HERPUD2: variants seen among roughly 807,000 people sequenced by gnomAD.
HERPUD2 encodes the protein HERPUD family member 2.
A neutral mutation model predicts 49.9 loss-of-function variants in HERPUD2; 13 were observed. That is an observed-to-expected ratio of 0.26 (90% CI 0.17 to 0.41). The LOEUF (loss-of-function observed/expected upper bound fraction) is 0.41. Ranked by LOEUF, HERPUD2 falls within the 10% of genes least tolerant of loss-of-function variation. The pLI is 1.00. For synonymous variants in HERPUD2, 172 were observed against 171.4 expected (o/e 1.00, Z -0.03); for missense variants, 449 against 492.2 (o/e 0.91, Z 0.83).
intron 2 of HERPUD2, among the ~76,000 whole-genome samples, chr7:35,676,027 C>T (rs1785752069): frequency 6.6e-6 from 1 of 152,204 alleles, no homozygotes. Flanking sequence ...AATGTTACCA[C>T]ATTCAACAAA....
At position 35,637,160 on chromosome 7, in the gene HERPUD2, A is replaced by T. The variant is rs199697529; in HGVS notation, c.617+1190T>A. ...AAAAAAAGAAAGAAAGAAAGAAAGAAAGATAGATAGATAGATAGATAGATA... is the reference window on the plus strand; with the variant it reads ...AAAAAAAGAAAGAAAGAAAGAAAGATAGATAGATAGATAGATAGATAGATA... On this transcript the variant is annotated intron_variant, in intron 6 of 8. Transcript: ENST00000311350. 2.7e-3 allele frequency among the ~76,000 whole-genome samples: 391 copies of T among 144,174 alleles called. 2 individuals carry two copies. Among genetic ancestry groups the T allele is most frequent in the East Asian group, 7.2e-3 (35 of 4,872 alleles). The allele number at this position is 144,174 out of a possible 152,430, so 94.6% of individuals were successfully genotyped here. A position where few individuals can be genotyped will look rare whatever the true frequency, so the allele number is the denominator to read the frequency against.
At position 35,673,190 on chromosome 7, in the gene HERPUD2, G is replaced by A. The variant is rs1463503439; in HGVS notation, c.225+11C>T. The A allele has an allele frequency of 6.2e-7, 1 of 1,604,624 alleles. No individual in the cohort carries two copies. The highest frequency in any genetic ancestry group is 1.3e-5 in the African/African-American group (1 of 74,670). ...ATGTATCTGGTATCAAATAGTGGTA[G>A]AAAAGCTTACTTTTCTGAGAATGTC... is the stretch of plus-strand genomic sequence containing the variant. On this transcript the variant is annotated intron_variant, in intron 3 of 8. Transcript: ENST00000311350.
At chr7:35,672,095 G>A (rs1004458571) in intron 3 of HERPUD2, among the ~76,000 whole-genome samples, 2 of 151,938 alleles carry the variant, frequency 1.3e-5, no homozygotes, top group East Asian at 1.9e-4. Context: ...TACTGACTTT[G>A]GGTGATAATG....
chr7:35,663,433 C>T (rs954114220), intron 5 of HERPUD2, among the ~76,000 whole-genome samples: 4 of 152,140 alleles, frequency 2.6e-5, no homozygotes, highest in African/African-American at 9.7e-5. Context: ...TGGTGCAGAG[C>T]TGAGTTCAAT....
chr7:35,693,544 T>C (rs551338300), intron 2 of HERPUD2, among the ~76,000 whole-genome samples: 11 of 152,272 alleles, frequency 7.2e-5, no homozygotes, highest in African/African-American at 2.6e-4. Context: ...ATACGGGTTG[T>C]AGTGCTTTAT....
intron 2 of HERPUD2, among the ~76,000 whole-genome samples, chr7:35,692,253 G>A (rs1407522093): frequency 6.6e-6 from 1 of 152,178 alleles, no homozygotes; most frequent in Admixed American, 6.5e-5. Flanking sequence ...CCTGCCAAAA[G>A]CAGGCCTCTT....
At chr7:35,684,521 GAT>G (rs71553025) in intron 2 of HERPUD2, among the ~76,000 whole-genome samples, 58,537 of 150,338 alleles carry the variant, frequency 0.39, 11,763 homozygotes, top group South Asian at 0.56. Flanking sequence ...GTGAGAGACA[GAT>G]ATATATATAT....
chr7:35,659,058 G>A (rs1420040239), intron 5 of HERPUD2, among the ~76,000 whole-genome samples: 1 of 152,176 alleles, frequency 6.6e-6, no homozygotes, highest in Admixed American at 6.5e-5. Flanking sequence ...AACCTACATG[G>A]TGGTAAACAA....
intron 5 of HERPUD2, among the ~76,000 whole-genome samples, chr7:35,649,037 G>A (rs1785108892): frequency 6.6e-6 from 1 of 152,138 alleles, no homozygotes; most frequent in Admixed American, 6.5e-5. Flanking sequence ...AGATCACAAG[G>A]TCAGGAGATC....
At chr7:35,673,509 T>G (rs1785687839) in intron 2 of HERPUD2, among the ~76,000 whole-genome samples, 1 of 152,210 alleles carries the variant, frequency 6.6e-6, no homozygotes, top group East Asian at 1.9e-4. Flanking sequence ...TACAGATAAT[T>G]AATACATTTA....
intron 1 of HERPUD2, 71 bp from the exon 2 acceptor site, chr7:35,694,698 G>A (rs1786278765): frequency 4.2e-6 from 1 of 240,888 alleles, no homozygotes; most frequent in South Asian, 6.0e-5. Context: ...GCCCCACCGC[G>A]ACCCCCAAGC....
intron 2 of HERPUD2, among the ~76,000 whole-genome samples, chr7:35,685,950 G>A (rs1303870664): frequency 7.1e-6 from 1 of 141,138 alleles, no homozygotes; most frequent in Admixed American, 7.1e-5. Context: ...AACAGAGCGA[G>A]ACCCTGTCTC....
Position 35,673,195 on chromosome 7 carries a change from G to C in HERPUD2, c.225+6C>G. ...TCTGGTATCAAATAGTGGTAGAAAAGCTTACTTTTCTGAGAATGTCTTTCA... is the reference window on the plus strand; with the variant it reads ...TCTGGTATCAAATAGTGGTAGAAAACCTTACTTTTCTGAGAATGTCTTTCA... On this transcript the variant is annotated splice_donor_region_variant and intron_variant, in intron 3 of 8. Transcript: ENST00000311350. 2 of 1,607,314 alleles carry C rather than the reference G, an allele frequency of 1.2e-6. No individual in the cohort carries two copies. The highest frequency in any genetic ancestry group is 1.7e-4 in the Middle Eastern group (1 of 6,044).
At chr7:35,663,613 T>C (rs13237177) in intron 5 of HERPUD2, among the ~76,000 whole-genome samples, 25,747 of 152,194 alleles carry the variant, frequency 0.17, 2,703 homozygotes, top group Middle Eastern at 0.23. Context: ...ATATTTAAGA[T>C]AGTTAGCTCC....
chr7:35,675,005 G>A (rs147762623), intron 2 of HERPUD2, among the ~76,000 whole-genome samples: 65 of 152,320 alleles, frequency 4.3e-4, no homozygotes, highest in African/African-American at 1.4e-3. Context: ...AACCCCAGGA[G>A]GGGGTCACGG....
intron 5 of HERPUD2, among the ~76,000 whole-genome samples, chr7:35,662,711 G>A (rs1174874860): frequency 4.6e-5 from 7 of 152,122 alleles, no homozygotes; most frequent in African/African-American, 1.7e-4. Context: ...GGGATCAGTG[G>A]TGATATCCCC....
intron 8 of HERPUD2, 56 bp downstream of exon 8, chr7:35,634,256 A>G: frequency 9.0e-7 from 1 of 1,105,498 alleles, no homozygotes; most frequent in South Asian, 1.3e-5. Flanking sequence ...TGTTGGTCCC[A>G]TACCGTGCTG....
intron 4 of HERPUD2, 79 bp from the exon 5 acceptor site, chr7:35,667,667 T>G (rs1257538424): frequency 1.0e-5 from 11 of 1,099,330 alleles, no homozygotes. Context: ...ACTAAAAACG[T>G]ATTCATGAAA....
At chr7:35,685,892 C>T (rs908193636) in intron 2 of HERPUD2, among the ~76,000 whole-genome samples, 17 of 151,878 alleles carry the variant, frequency 1.1e-4, no homozygotes, top group Non-Finnish European at 2.2e-4. Flanking sequence ...ACCTGGGAGG[C>T]GGAGGTTGCG....
Sources: allele counts gnomAD v4.1 joint callset (sites outside exome capture counted in the v4.1 genomes callset), GRCh38; gene constraint gnomAD v4.1.1; transcripts MANE v1.5; gene names NCBI Gene and HGNC (gene_info 2026-07-23, HGNC 2026-07-21).